TNR: variants seen among roughly 807,000 people sequenced by gnomAD.
TNR encodes the protein tenascin-R.
TNR carries 45 observed loss-of-function variants against 150.4 expected under a neutral mutation model. That is an observed-to-expected ratio of 0.30 (90% CI 0.24 to 0.38). TNR has a LOEUF of 0.38. TNR is among the 10% of genes least tolerant of loss of function. The pLI is 1.00. For missense variants in TNR, 1,544 were observed against 1,759.1 expected (o/e 0.88, Z 2.19); for synonymous variants, 687 against 678.4 (o/e 1.01, Z -0.20).
intron 2 of TNR, among the ~76,000 whole-genome samples, chr1:175,511,028 T>C (rs777878308): frequency 6.6e-6 from 1 of 152,200 alleles, no homozygotes; most frequent in Non-Finnish European, 1.5e-5. Flanking sequence ...CTTGCAAAAA[T>C]GGATGTAATC....
At chr1:175,410,773 C>T (rs2102052663) in intron 2 of TNR, among the ~76,000 whole-genome samples, 1 of 152,304 alleles carries the variant, frequency 6.6e-6, no homozygotes, top group Non-Finnish European at 1.5e-5. Flanking sequence ...GGCTGCTCTG[C>T]TCTGCCAGCC....
intron 2 of TNR, among the ~76,000 whole-genome samples, chr1:175,410,159 A>G (rs1482985175): frequency 2.6e-5 from 4 of 152,286 alleles, no homozygotes; most frequent in Middle Eastern, 6.8e-3. Context: ...TTGAGTCTCT[A>G]AGGCAGGGGC....
intron 21 of TNR, among the ~76,000 whole-genome samples, chr1:175,325,111 G>A (rs1164078075): frequency 6.6e-6 from 1 of 152,186 alleles, no homozygotes; most frequent in Non-Finnish European, 1.5e-5. Context: ...TGTATCTTGG[G>A]GAAGAGCGGA....
intron 20 of TNR, among the ~76,000 whole-genome samples, chr1:175,331,043 T>TTCTTTCTTTCTTTCTTTC (rs1649768299): frequency 7.6e-5 from 6 of 78,886 alleles, no homozygotes; most frequent in Non-Finnish European, 1.6e-4. Flanking sequence ...CTTTCTTTCT[T>TTCTTTCTTTCTTTCTTTC]TCTTTCTTTC....
At chr1:175,650,555 G>A (rs1664929077) in intron 1 of TNR, among the ~76,000 whole-genome samples, 1 of 151,290 alleles carries the variant, frequency 6.6e-6, no homozygotes, top group African/African-American at 2.4e-5. Flanking sequence ...CACTAAATAT[G>A]GGAACAATAT....
At chr1:175,618,535 A>G (rs1175723280) in intron 1 of TNR, among the ~76,000 whole-genome samples, 1 of 152,092 alleles carries the variant, frequency 6.6e-6, no homozygotes, top group Non-Finnish European at 1.5e-5. Flanking sequence ...TCTTTTTCAC[A>G]TGGGGAGTCT....
chr1:175,615,660 C>T (rs1018522427), intron 1 of TNR, among the ~76,000 whole-genome samples: 18 of 152,222 alleles, frequency 1.2e-4, no homozygotes, highest in African/African-American at 4.3e-4. Context: ...AGGACTTCAG[C>T]GTCCTCCTGC....
intron 1 of TNR, among the ~76,000 whole-genome samples, chr1:175,626,038 C>T (rs61805156): frequency 0.1 from 15,697 of 152,098 alleles, 890 homozygotes; most frequent in African/African-American, 0.14. Context: ...ATAAGTTTCA[C>T]GAGGTCTGAT....
chr1:175,323,534 C>CAAAAAAAAAA lies in TNR; in HGVS notation c.3958-59_3958-58insTTTTTTTTTT. 11 of 1,577,572 alleles carry CAAAAAAAAAA rather than the reference C, an allele frequency of 7.0e-6. No individual in the cohort carries two copies. In the Admixed American group the frequency reaches 1.1e-4, roughly 16 times the overall value. ...TCCCCCACCATGGAACGCCCCACTT[C>CAAAAAAAAAA]AAAAAAGGGGTAATTATGGGAACAG... On this transcript the variant is annotated intron_variant, in intron 22 of 22. Transcript: ENST00000367674.
At chr1:175,499,444 C>T (rs1658636089) in intron 2 of TNR, among the ~76,000 whole-genome samples, 1 of 152,024 alleles carries the variant, frequency 6.6e-6, no homozygotes, top group Non-Finnish European at 1.5e-5. Flanking sequence ...CATCCCATTA[C>T]CTTTGTTTCC....
intron 1 of TNR, among the ~76,000 whole-genome samples, chr1:175,670,031 C>T (rs1665647704): frequency 6.6e-6 from 1 of 152,182 alleles, no homozygotes; most frequent in Admixed American, 6.5e-5. Flanking sequence ...ATAGCCAGCC[C>T]AACCCACAGC....
At chr1:175,443,386 G>T (rs1655882316) in intron 2 of TNR, among the ~76,000 whole-genome samples, 1 of 152,160 alleles carries the variant, frequency 6.6e-6, no homozygotes, top group Non-Finnish European at 1.5e-5. Flanking sequence ...TCCTGGCCTA[G>T]GATGCCCTAC....
chr1:175,697,134 C>T (rs1285867509), intron 1 of TNR, among the ~76,000 whole-genome samples: 1 of 151,760 alleles, frequency 6.6e-6, no homozygotes, highest in Admixed American at 6.6e-5. Context: ...TGTAATTTCT[C>T]CCTAGGACCA....
At position 175,487,220 on chromosome 1, in the gene TNR, G is replaced by A. The variant is rs1052555468; in HGVS notation, c.-64+41049C>T. ...TCTTATAAGGAGCATGCAACCTACA[G>A]CCCTCGAATGTGCAGTTCACAATAG... On this transcript the variant is annotated intron_variant, in intron 2 of 22. Coordinates refer to ENST00000367674, the MANE Select transcript of TNR (RefSeq NM_003285.3). 3.3e-5 allele frequency among the ~76,000 whole-genome samples: 5 copies of A among 152,298 alleles called. No individual in the cohort carries two copies. The South Asian group carries it at 1.0e-3, about 32-fold the overall frequency.
chr1:175,479,640 C>T (rs1447514230), intron 2 of TNR, among the ~76,000 whole-genome samples: 3 of 152,156 alleles, frequency 2.0e-5, no homozygotes, highest in African/African-American at 4.8e-5. Context: ...ATCGGCCCCA[C>T]GTACTGCCTT....
rs116249891 is a variant in TNR at position 175,450,570 on chromosome 1, T to G, written c.-63-43793A>C. Among the ~76,000 whole-genome samples, 8 of 152,316 alleles carry G rather than the reference T, an allele frequency of 5.3e-5. No individual in the cohort carries two copies. The East Asian group carries it at 1.4e-3, about 26-fold the overall frequency. On this transcript the variant is annotated intron_variant, in intron 2 of 22. Transcript: ENST00000367674. ...CACCAGAGAGGTCTTTCACCCTGTT[T>G]ACTTGTTTTACTTGTCTTCTGGACA...
intron 1 of TNR, among the ~76,000 whole-genome samples, chr1:175,547,924 A>G (rs1660776715): frequency 6.6e-6 from 1 of 152,242 alleles, no homozygotes; most frequent in Non-Finnish European, 1.5e-5. Context: ...GTCAACAATT[A>G]AAGTCCATAA....
intron 18 of TNR, among the ~76,000 whole-genome samples, chr1:175,338,738 G>C (rs1440440455): frequency 1.3e-5 from 2 of 152,208 alleles, no homozygotes; most frequent in Non-Finnish European, 2.9e-5. Context: ...TGGTGGGTCA[G>C]AGTAAGTGAC....
intron 2 of TNR, among the ~76,000 whole-genome samples, chr1:175,480,995 C>T (rs371162403): frequency 6.6e-6 from 1 of 152,190 alleles, no homozygotes; most frequent in Non-Finnish European, 1.5e-5. Context: ...GTGTTAATGA[C>T]TACCAAGGAG....
Sources: allele counts gnomAD v4.1 joint callset (sites outside exome capture counted in the v4.1 genomes callset), GRCh38; gene constraint gnomAD v4.1.1; transcripts MANE v1.5; gene names NCBI Gene and HGNC (gene_info 2026-07-23, HGNC 2026-07-21).